HSPBAP1: variants seen among roughly 807,000 people sequenced by gnomAD.
HSPBAP1 encodes HSPB1-associated protein 1.
HSPBAP1 carries 27 observed loss-of-function variants against 45.2 expected under a neutral mutation model. The observed-to-expected ratio is 0.60, with a 90% confidence interval of 0.44 to 0.82. The LOEUF is 0.82. Among genes scored for constraint, HSPBAP1 ranks in the 40% least tolerant of loss-of-function variants. The pLI, the probability that HSPBAP1 is intolerant of heterozygous loss-of-function variation, is 0.00. For synonymous variants in HSPBAP1, 204 were observed against 202.7 expected (o/e 1.01, Z -0.06); for missense variants, 510 against 590.9 (o/e 0.86, Z 1.42).
At chr3:122,761,392 T>C (rs1934577317) in intron 3 of HSPBAP1, 1 of 124,586 alleles carries the variant, frequency 8.0e-6, no homozygotes, top group Non-Finnish European at 1.7e-5. Flanking sequence ...TCACTGAAGG[T>C]TTTTCTACAG....
At chr3:122,754,008 T>C (rs1206169053) in intron 5 of HSPBAP1, 4 of 527,258 alleles carry the variant, frequency 7.6e-6, no homozygotes, top group African/African-American at 4.1e-5. Flanking sequence ...TAAAAAGAAA[T>C]TGGAACCCTC....
At chr3:122,779,520 A>ATTTATTTATTTATTTT (rs1553756459) in intron 1 of HSPBAP1, among the ~76,000 whole-genome samples, 1 of 148,074 alleles carries the variant, frequency 6.8e-6, no homozygotes, top group Admixed American at 6.7e-5. Flanking sequence ...TTATTTATTT[A>ATTTATTTATTTATTTT]TTTTTTATTG....
At chr3:122,766,526 T>C (rs996991425) in intron 3 of HSPBAP1, among the ~76,000 whole-genome samples, 6 of 152,246 alleles carry the variant, frequency 3.9e-5, no homozygotes, top group African/African-American at 1.2e-4. Flanking sequence ...TTCCAGCACA[T>C]TGCCAAAAGG....
intron 1 of HSPBAP1, among the ~76,000 whole-genome samples, chr3:122,787,733 G>A (rs1478349871): frequency 6.6e-6 from 1 of 152,128 alleles, no homozygotes; most frequent in Admixed American, 6.5e-5. Flanking sequence ...CTCTGGAATG[G>A]TAGATATTAG....
At position 122,793,680 on chromosome 3, in the gene HSPBAP1, TG is replaced by T. The variant is rs1210394110; in HGVS notation, c.-1del. On this transcript the variant is annotated 5_prime_UTR_variant, in exon 1 of 8. Coordinates refer to ENST00000306103, the MANE Select transcript of HSPBAP1 (RefSeq NM_024610.6). ...GTGGTCGCCTCGGAGCCTGCTGCCA[TG>T]GCTACCGCAAGGCGGGTTCTGCCGG... The T allele has an allele frequency of 1.9e-6, 3 of 1,613,722 alleles. No homozygotes were observed. The highest frequency in any genetic ancestry group is 2.5e-6 in the Non-Finnish European group (3 of 1,179,956).
chr3:122,777,786 T>TAAAA lies in HSPBAP1; in HGVS notation c.184_185insTTTT (p.Tyr62PhefsTer28). On this transcript the variant is annotated frameshift_variant, in exon 2 of 8. Transcript: ENST00000306103. LOFTEE classifies it high-confidence loss of function. ...CTTGCCATGAAGGACCTGCGAAAGG[T>TAAAA]ATTTAGCATTCCAGTGTCGTGCTGG... 6.2e-7 allele frequency: 1 copy of TAAAA among 1,614,076 alleles called. No homozygotes were observed. The highest frequency in any genetic ancestry group is 1.1e-5 in the South Asian group (1 of 91,080).
At chr3:122,760,543 AT>A (rs10715841) in intron 3 of HSPBAP1, among the ~76,000 whole-genome samples, 99,911 of 150,164 alleles carry the variant, frequency 0.67, 34,014 homozygotes, top group Non-Finnish European at 0.77. Flanking sequence ...TAGAAAGAGC[AT>A]TTTTTTTTTT....
chr3:122,775,488 G>C (rs898188048), intron 2 of HSPBAP1, among the ~76,000 whole-genome samples: 3 of 148,710 alleles, frequency 2.0e-5, no homozygotes, highest in African/African-American at 5.0e-5. Context: ...CTTTTTTTTT[G>C]TACTTTTAGT....
chr3:122,768,589 T>C (rs568425678), intron 3 of HSPBAP1, 112 bp downstream of exon 3: 85 of 693,060 alleles, frequency 1.2e-4, no homozygotes, highest in African/African-American at 2.0e-4. Context: ...CCAAGATTCA[T>C]GGCGATTACT....
chr3:122,740,915 T>C (rs1233816725), intron 7 of HSPBAP1, 40 bp from the exon 8 acceptor site: 11 of 1,609,802 alleles, frequency 6.8e-6, no homozygotes, highest in African/African-American at 1.3e-5. Context: ...GTTACATACA[T>C]TTAGTTACAC....
chr3:122,793,558 C>A, intron 1 of HSPBAP1, 59 bp downstream of exon 1: 1 of 1,524,404 alleles, frequency 6.6e-7, no homozygotes, highest in African/African-American at 1.4e-5. Flanking sequence ...CGAGGGGTGC[C>A]ACGAGAGTCA....
rs1203151876 is a variant in HSPBAP1 at position 122,793,798 on chromosome 3, C to T, written c.-118G>A. The T allele has an allele frequency of 3.6e-5, 31 of 850,770 alleles. No homozygotes were observed. Among genetic ancestry groups the T allele is most frequent in the Non-Finnish European group, 3.3e-5 (18 of 542,754 alleles). 52.7% of individuals were successfully genotyped at this position (850,770 alleles called of 1,614,324 possible). ...ACCACAGGAAGGAGCCCCGGCGACT[C>T]CCGCCCGGCTCCTACGGAAACGCCG... On this transcript the variant is annotated 5_prime_UTR_variant, in exon 1 of 8. Coordinates refer to ENST00000306103, the MANE Select transcript of HSPBAP1 (RefSeq NM_024610.6).
chr3:122,772,194 G>A (rs1177030101), intron 2 of HSPBAP1, among the ~76,000 whole-genome samples: 1 of 152,176 alleles, frequency 6.6e-6, no homozygotes, highest in Non-Finnish European at 1.5e-5. Flanking sequence ...ATGTTCCTGT[G>A]TGGGAAGATA....
intron 6 of HSPBAP1, among the ~76,000 whole-genome samples, chr3:122,745,199 C>T (rs558364862): frequency 5.7e-4 from 84 of 148,608 alleles, no homozygotes; most frequent in South Asian, 1.5e-3. Flanking sequence ...TATAGGCAAA[C>T]AAATTAGAAA....
intron 6 of HSPBAP1, among the ~76,000 whole-genome samples, chr3:122,741,967 C>T (rs545264127): frequency 3.2e-4 from 49 of 151,980 alleles, no homozygotes; most frequent in Non-Finnish European, 6.0e-4. Flanking sequence ...GGCATTATCT[C>T]GTAAACTTGA....
At chr3:122,786,498 T>C (rs1935661335) in intron 1 of HSPBAP1, 1 of 152,156 alleles carries the variant, frequency 6.6e-6, no homozygotes, top group African/African-American at 2.4e-5. Context: ...CTTCTATAAA[T>C]ATGGACACAG....
intron 1 of HSPBAP1, among the ~76,000 whole-genome samples, chr3:122,791,848 C>T (rs963682049): frequency 5.3e-5 from 8 of 152,084 alleles, no homozygotes; most frequent in African/African-American, 1.7e-4. Context: ...CTTCTAAGGG[C>T]AATGTAATTC....
At chr3:122,753,661 G>C (rs1934239510) in intron 5 of HSPBAP1, 3 of 985,110 alleles carry the variant, frequency 3.0e-6, no homozygotes, top group South Asian at 4.7e-5. Context: ...TTCACATTAG[G>C]AAACTACTGG....
chr3:122,781,017 C>T (rs1365567837), intron 1 of HSPBAP1, among the ~76,000 whole-genome samples: 4 of 150,116 alleles, frequency 2.7e-5, no homozygotes, highest in Non-Finnish European at 5.9e-5. Context: ...AAGAGGCGCT[C>T]CTCACTTCCT....
Sources: allele counts gnomAD v4.1 joint callset (sites outside exome capture counted in the v4.1 genomes callset), GRCh38; gene constraint gnomAD v4.1.1; transcripts MANE v1.5; gene names NCBI Gene and HGNC (gene_info 2026-07-23, HGNC 2026-07-21).